CERK: variants seen among roughly 807,000 people sequenced by gnomAD.
CERK encodes the protein ceramide kinase.
In CERK, 39 loss-of-function variants were observed where a neutral mutation model predicts 63.4. The ratio of observed to expected loss-of-function variants is 0.61; its 90% CI spans 0.48 to 0.80. The LOEUF (loss-of-function observed/expected upper bound fraction) is 0.80, where lower values mean the gene tolerates loss of function less well. CERK is among the 30% of genes least tolerant of loss of function. The probability of loss-of-function intolerance (pLI) is 0.00; values close to 1 mark genes in which losing one functional copy is unlikely to be tolerated. For missense variants in CERK, 670 were observed against 714.1 expected, an observed-to-expected ratio of 0.94 and a Z score of 0.70; for synonymous variants, 302 against 280.0, an observed-to-expected ratio of 1.08 and a Z score of -0.78.
At chr22:46,707,561 G>A (rs1042688644) in intron 6 of CERK, among the ~76,000 whole-genome samples, 1 of 152,190 alleles carries the variant, frequency 6.6e-6, no homozygotes, top group Non-Finnish European at 1.5e-5. Context: ...CCCGGGCACC[G>A]GGGGTTCCCC....
At chr22:46,723,839 A>C (rs1332714873) in intron 1 of CERK, among the ~76,000 whole-genome samples, 1 of 151,862 alleles carries the variant, frequency 6.6e-6, no homozygotes, top group Non-Finnish European at 1.5e-5. Context: ...CTGGGATTAT[A>C]GGCGCCTGCC....
chr22:46,712,348 G>C (rs2082845699), intron 3 of CERK, 55 bp from the exon 4 acceptor site: 1 of 1,556,588 alleles, frequency 6.4e-7, no homozygotes, highest in Non-Finnish European at 8.8e-7. Flanking sequence ...AAAACGAAGA[G>C]CTCTGTTACT....
In CERK at chr22:46,691,746, C is replaced by A; in HGVS notation, c.1158G>T (p.Gly386=). 2 of 1,612,412 alleles carry A rather than the reference C, an allele frequency of 1.2e-6. No individual in the cohort carries two copies. Among genetic ancestry groups the A allele is most frequent in the Non-Finnish European group, 1.7e-6 (2 of 1,178,668 alleles). The part of the protein sequence containing the change: ...EDVEEWQVVC[G]KFLAINATNM... ...TTGTGGCATTGATGGCCAGAAACTTCCCACAGACGACTTGCCACTCCTCCA... is the reference window on the plus strand; with the variant it reads ...TTGTGGCATTGATGGCCAGAAACTTACCACAGACGACTTGCCACTCCTCCA... The change falls in exon 11 of 13, where the codon GGG becomes GGT. Residue 386 remains glycine, a synonymous_variant. Transcript: ENST00000216264.
intron 7 of CERK, among the ~76,000 whole-genome samples, chr22:46,701,033 T>C (rs924214536): frequency 6.7e-5 from 10 of 149,590 alleles, no homozygotes; most frequent in African/African-American, 2.2e-4. Flanking sequence ...AAATCCTAAG[T>C]GGCTATTTTA....
intron 1 of CERK, among the ~76,000 whole-genome samples, chr22:46,734,792 C>G (rs1204281040): frequency 6.6e-6 from 1 of 152,170 alleles, no homozygotes; most frequent in African/African-American, 2.4e-5. Flanking sequence ...ACGTCTAAGT[C>G]GAAGAGTGAC....
At chr22:46,689,633 C>A (rs1470725605) in intron 12 of CERK, among the ~76,000 whole-genome samples, 1 of 152,128 alleles carries the variant, frequency 6.6e-6, no homozygotes, top group South Asian at 2.1e-4. Flanking sequence ...CTCAGCCTCC[C>A]ACCTTTTGAA....
At chr22:46,702,042 G>T (rs945808645) in intron 6 of CERK, among the ~76,000 whole-genome samples, 1 of 151,820 alleles carries the variant, frequency 6.6e-6, no homozygotes, top group African/African-American at 2.4e-5. Context: ...TTAGCCAGGC[G>T]TGGTGGCATG....
At chr22:46,687,452 C>G (rs997934111) in intron 12 of CERK, among the ~76,000 whole-genome samples, 1 of 152,202 alleles carries the variant, frequency 6.6e-6, no homozygotes, top group Non-Finnish European at 1.5e-5. Context: ...TTCACTTAGA[C>G]TCCCGGGATG....
chr22:46,729,468 G>T (rs1441831084), intron 1 of CERK, among the ~76,000 whole-genome samples: 1 of 151,992 alleles, frequency 6.6e-6, no homozygotes, highest in Non-Finnish European at 1.5e-5. Context: ...GAGTACAGTG[G>T]TACAATCATG....
chr22:46,705,291 A>G (rs1484949816), intron 6 of CERK, among the ~76,000 whole-genome samples: 1 of 152,220 alleles, frequency 6.6e-6, no homozygotes, highest in Non-Finnish European at 1.5e-5. Flanking sequence ...GGGTGAAGAC[A>G]GCAGGAGACG....
chr22:46,727,676 C>T (rs2082925881), intron 1 of CERK, among the ~76,000 whole-genome samples: 2 of 152,176 alleles, frequency 1.3e-5, no homozygotes, highest in Non-Finnish European at 1.5e-5. Context: ...CTCGTCCTAA[C>T]GTCCCGATAC....
intron 12 of CERK, among the ~76,000 whole-genome samples, chr22:46,688,682 A>G (rs566548857): frequency 6.6e-6 from 1 of 152,342 alleles, no homozygotes; most frequent in African/African-American, 2.4e-5. Flanking sequence ...ATCCTCTTAC[A>G]TGCTGTGACT....
intron 8 of CERK, among the ~76,000 whole-genome samples, chr22:46,695,789 G>T (rs552116168): frequency 5.0e-4 from 76 of 152,226 alleles, no homozygotes; most frequent in Non-Finnish European, 8.1e-4. Flanking sequence ...GGCCAGGGCC[G>T]CTGCCACCCA....
At chr22:46,726,483 C>T (rs528771738) in intron 1 of CERK, among the ~76,000 whole-genome samples, 2 of 152,254 alleles carry the variant, frequency 1.3e-5, no homozygotes, top group African/African-American at 4.8e-5. Flanking sequence ...ATGCCCGGCC[C>T]GCTTAGAGTC....
chr22:46,698,925 T>A (rs1295595894), intron 8 of CERK, among the ~76,000 whole-genome samples: 1 of 152,082 alleles, frequency 6.6e-6, no homozygotes, highest in South Asian at 2.1e-4. Flanking sequence ...AAAATATATT[T>A]TAAAAACTAT....
intron 1 of CERK, among the ~76,000 whole-genome samples, chr22:46,734,089 C>T (rs1331485559): frequency 5.8e-5 from 8 of 136,954 alleles, no homozygotes; most frequent in African/African-American, 1.4e-4. Context: ...TATATATATA[C>T]ATTTTCCTAT....
intron 11 of CERK, among the ~76,000 whole-genome samples, chr22:46,691,060 C>CAT (rs2082729069): frequency 6.7e-6 from 1 of 149,608 alleles, no homozygotes; most frequent in South Asian, 2.1e-4. Context: ...CATACATACA[C>CAT]ACACACACAC....
At chr22:46,693,980 C>T (rs765137439) in intron 9 of CERK, among the ~76,000 whole-genome samples, 2 of 152,178 alleles carry the variant, frequency 1.3e-5, no homozygotes, top group Non-Finnish European at 2.9e-5. Flanking sequence ...ATCTTGGGGG[C>T]TGCCGGATTC....
chr22:46,718,296 G>A (rs1283729629), intron 3 of CERK, among the ~76,000 whole-genome samples: 1 of 152,176 alleles, frequency 6.6e-6, no homozygotes, highest in Non-Finnish European at 1.5e-5. Flanking sequence ...ATAGGATCAG[G>A]TCTGGAATCC....
Sources: gnomAD v4.1 joint callset for allele counts (sites outside exome capture counted in the v4.1 genomes callset) on GRCh38, gnomAD v4.1.1 for gene constraint, MANE v1.5 for transcripts, NCBI Gene and HGNC (gene_info 2026-07-23, HGNC 2026-07-21) for gene names.